The following CTNNA2 variants were observed in gnomAD, a reference collection of about 807,000 sequenced individuals.
CTNNA2 encodes catenin alpha 2.
A neutral mutation model predicts 101.0 loss-of-function variants in CTNNA2; 42 were observed. That is an observed-to-expected ratio of 0.42 (90% CI 0.32 to 0.54). The LOEUF is 0.54. Ranked by LOEUF, CTNNA2 falls within the 20% of genes least tolerant of loss-of-function variation. The probability of loss-of-function intolerance (pLI) is 0.14; values close to 1 mark genes in which losing one functional copy is unlikely to be tolerated. For synonymous variants in CTNNA2, 450 were observed against 456.4 expected (o/e 0.99, Z 0.18); for missense variants, 871 against 1,223.1 (o/e 0.71, Z 4.29).
chr2:79,729,584 A>T (rs1157119079), intron 2 of CTNNA2, among the ~76,000 whole-genome samples: 1 of 152,170 alleles, frequency 6.6e-6, no homozygotes, highest in Admixed American at 6.6e-5. Context: ...CTGAATTAGA[A>T]AATGAGCTGC....
chr2:79,237,612 A>G (rs1301283763), intron 2 of CTNNA2, among the ~76,000 whole-genome samples: 6 of 152,222 alleles, frequency 3.9e-5, no homozygotes, highest in African/African-American at 1.4e-4. Flanking sequence ...TCTACATTGA[A>G]AACCTCTTGC....
intron 7 of CTNNA2, among the ~76,000 whole-genome samples, chr2:79,917,145 C>T (rs1475157531): frequency 6.6e-6 from 1 of 151,738 alleles, no homozygotes; most frequent in African/African-American, 2.4e-5. Context: ...GATCTCGGCT[C>T]ACTGCAACTT....
chr2:79,626,172 T>G (rs756432197), intron 1 of CTNNA2, among the ~76,000 whole-genome samples: 13 of 152,218 alleles, frequency 8.5e-5, no homozygotes, highest in Non-Finnish European at 2.9e-5. Flanking sequence ...TCAAGCAGCA[T>G]TTTAATAGAA....
intron 14 of CTNNA2, among the ~76,000 whole-genome samples, 155 bp downstream of exon 14, chr2:80,581,974 T>A (rs1573354243): frequency 6.6e-6 from 1 of 152,266 alleles, no homozygotes; most frequent in South Asian, 2.1e-4. Context: ...CAAATCACAT[T>A]TTACACAGTG....
chr2:79,193,911 T>TA (rs1282090724), intron 1 of CTNNA2, among the ~76,000 whole-genome samples: 1 of 152,256 alleles, frequency 6.6e-6, no homozygotes, highest in Non-Finnish European at 1.5e-5. Context: ...TTAATACATG[T>TA]AAATTGTTAC....
chr2:80,161,642 G>A (rs547437948), intron 7 of CTNNA2, among the ~76,000 whole-genome samples: 1 of 152,272 alleles, frequency 6.6e-6, no homozygotes, highest in South Asian at 2.1e-4. Context: ...ACTGACAGAA[G>A]TAGCACTTAA....
intron 9 of CTNNA2, among the ~76,000 whole-genome samples, chr2:80,515,666 TGA>T (rs1689056900): frequency 1.3e-5 from 2 of 152,240 alleles, no homozygotes; most frequent in African/African-American, 4.8e-5. Flanking sequence ...TCTTTAAATT[TGA>T]AATGTGTTTT....
intron 4 of CTNNA2, among the ~76,000 whole-genome samples, chr2:79,413,508 A>G (rs1436590017): frequency 6.6e-6 from 1 of 152,086 alleles, no homozygotes; most frequent in Non-Finnish European, 1.5e-5. Flanking sequence ...TACTTTGAAT[A>G]GTGCTGCAAT....
chr2:80,496,941 T>C (rs1687522088), intron 9 of CTNNA2, among the ~76,000 whole-genome samples: 1 of 152,176 alleles, frequency 6.6e-6, no homozygotes, highest in African/African-American at 2.4e-5. Flanking sequence ...CACCAATTCA[T>C]CATCAACACG....
chr2:80,009,757 A>T (rs2861965), intron 7 of CTNNA2, among the ~76,000 whole-genome samples: 2 of 35,954 alleles, frequency 5.6e-5, no homozygotes, highest in Non-Finnish European at 1.2e-4. Flanking sequence ...TGTGTCAGAG[A>T]GAGAGACAGA....
intron 7 of CTNNA2, among the ~76,000 whole-genome samples, chr2:80,089,446 A>G (rs1056382557): frequency 1.3e-5 from 2 of 151,886 alleles, no homozygotes; most frequent in Non-Finnish European, 1.5e-5. Context: ...TCCCTTTTGC[A>G]TTTTGGGGGT....
At chr2:79,650,465 T>C (rs185272201) in intron 1 of CTNNA2, among the ~76,000 whole-genome samples, 1 of 152,166 alleles carries the variant, frequency 6.6e-6, no homozygotes, top group East Asian at 1.9e-4. Flanking sequence ...GGGTCAGTTA[T>C]GATGTGAAGA....
At chr2:80,476,951 C>A (rs1445197126) in intron 9 of CTNNA2, among the ~76,000 whole-genome samples, 1 of 152,052 alleles carries the variant, frequency 6.6e-6, no homozygotes, top group Non-Finnish European at 1.5e-5. Flanking sequence ...AGTAAAGAGG[C>A]CTTTTACTAC....
intron 7 of CTNNA2, among the ~76,000 whole-genome samples, chr2:80,232,457 C>T (rs1430229283): frequency 6.8e-6 from 1 of 146,022 alleles, no homozygotes; most frequent in East Asian, 2.2e-4. Flanking sequence ...CCTTCTTCAT[C>T]TCCCATACCC....
At chr2:80,131,806 C>T (rs1702430867) in intron 7 of CTNNA2, among the ~76,000 whole-genome samples, 1 of 152,010 alleles carries the variant, frequency 6.6e-6, no homozygotes, top group Non-Finnish European at 1.5e-5. Flanking sequence ...ATCAGCCGGG[C>T]ACGGTGGCTC....
At chr2:80,379,694 G>A (rs1308917932) in intron 7 of CTNNA2, among the ~76,000 whole-genome samples, 1 of 152,140 alleles carries the variant, frequency 6.6e-6, no homozygotes. Flanking sequence ...CAAATGATTT[G>A]TTGGTTTGAA....
chr2:79,392,284 C>T (rs530215775), intron 4 of CTNNA2, among the ~76,000 whole-genome samples: 6 of 152,142 alleles, frequency 3.9e-5, no homozygotes, highest in Non-Finnish European at 5.9e-5. Flanking sequence ...AGTCCCCATA[C>T]CTAGAAATTC....
chr2:80,367,001 G>A (rs1573858167), intron 7 of CTNNA2, among the ~76,000 whole-genome samples: 1 of 137,752 alleles, frequency 7.3e-6, no homozygotes, highest in South Asian at 2.3e-4. Flanking sequence ...AGAGACAAAT[G>A]GTTGCATTTT....
intron 9 of CTNNA2, among the ~76,000 whole-genome samples, chr2:80,484,878 C>T (rs907668706): frequency 1.3e-5 from 2 of 152,010 alleles, no homozygotes; most frequent in African/African-American, 4.8e-5. Flanking sequence ...AGGTGGTGGG[C>T]ACCTGTAGTC....
Sources: allele counts gnomAD v4.1 joint callset (sites outside exome capture counted in the v4.1 genomes callset), GRCh38; gene constraint gnomAD v4.1.1; transcripts MANE v1.5; gene names NCBI Gene and HGNC (gene_info 2026-07-23, HGNC 2026-07-21).